Variants in GPR158 observed in about 807,000 individuals in gnomAD.
GPR158 encodes the protein metabotropic glycine receptor.
GPR158 carries 30 observed loss-of-function variants against 78.2 expected under a neutral mutation model. That is an observed-to-expected ratio of 0.38 (90% CI 0.29 to 0.52). The LOEUF is 0.52. Among genes scored for constraint, GPR158 ranks in the 20% least tolerant of loss-of-function variants. The probability of loss-of-function intolerance (pLI) is 0.83; values close to 1 mark genes in which losing one functional copy is unlikely to be tolerated. For missense variants in GPR158, 1,463 were observed against 1,523.5 expected (o/e 0.96, Z 0.66); for synonymous variants, 581 against 591.1 (o/e 0.98, Z 0.25).
chr10:25,229,198 A>G lies in GPR158; in HGVS notation c.1008+8041A>G, dbSNP rs140771285. 2.3e-3 allele frequency among the ~76,000 whole-genome samples: 346 copies of G among 152,242 alleles called. 4 individuals are homozygous for G. Among genetic ancestry groups the G allele is most frequent in the Middle Eastern group, 0.014 (4 of 294 alleles). On this transcript the variant is annotated intron_variant, in intron 2 of 10. Coordinates refer to ENST00000376351, the MANE Select transcript of GPR158 (RefSeq NM_020752.3). ...GAACTTGTATGGAGCTGGGAAGAAG[A>G]CGATGGAGAAAGACAATTTGAAGAA...
chr10:25,455,063 G>A (rs893320531), intron 4 of GPR158, among the ~76,000 whole-genome samples: 17 of 152,146 alleles, frequency 1.1e-4, no homozygotes, highest in Admixed American at 7.2e-4. Flanking sequence ...GTATTTTTCA[G>A]ATATAGTTTG....
intron 6 of GPR158, among the ~76,000 whole-genome samples, chr10:25,563,852 T>A (rs926080405): frequency 2.6e-5 from 4 of 152,188 alleles, no homozygotes; most frequent in African/African-American, 7.2e-5. Flanking sequence ...ATAAACTTTA[T>A]CTAATAAGGT....
intron 2 of GPR158, among the ~76,000 whole-genome samples, chr10:25,249,397 A>G (rs1440824648): frequency 6.6e-6 from 1 of 152,210 alleles, no homozygotes; most frequent in African/African-American, 2.4e-5. Context: ...GCCAGTTTTC[A>G]AAGGGAATGC....
intron 2 of GPR158, among the ~76,000 whole-genome samples, chr10:25,385,433 A>G (rs1834209279): frequency 6.6e-6 from 1 of 152,146 alleles, no homozygotes; most frequent in Non-Finnish European, 1.5e-5. Flanking sequence ...GAATATGGGT[A>G]TGCAAATAGC....
chr10:25,598,837 G>A lies in GPR158; in HGVS notation c.3211G>A (p.Val1071Ile), dbSNP rs1223070309. The A allele has an allele frequency of 6.2e-7, 1 of 1,614,128 alleles. No homozygotes were observed. Among genetic ancestry groups the A allele is most frequent in the South Asian group, 1.1e-5 (1 of 91,082 alleles). The change falls in exon 11 of 11, where the codon GTA (valine) becomes ATA (isoleucine). Residue 1071 changes from valine (V) to isoleucine (I), a missense_variant. By Grantham distance (29) the Val-to-Ile change is conservative. Transcript: ENST00000376351. The part of the protein sequence containing the change: ...SNQKRIDKAE[V>I]CLWESQGQSI... ...TCAGAAGCGCATAGATAAGGCTGAA[G>A]TATGCCTTTGGGAGAGCCAAGGCCA...
chr10:25,580,745 A>T (rs895501260), intron 7 of GPR158, among the ~76,000 whole-genome samples: 5 of 152,094 alleles, frequency 3.3e-5, no homozygotes, highest in Non-Finnish European at 7.4e-5. Context: ...AAAAAATTTG[A>T]GTCATGGTCT....
intron 4 of GPR158, among the ~76,000 whole-genome samples, chr10:25,420,406 G>C (rs1192343131): frequency 6.6e-6 from 1 of 152,100 alleles, no homozygotes; most frequent in Non-Finnish European, 1.5e-5. Flanking sequence ...TCCTGCCCCA[G>C]CCTCCCAAAA....
intron 4 of GPR158, among the ~76,000 whole-genome samples, chr10:25,431,173 A>C (rs1296698304): frequency 3.0e-4 from 19 of 62,496 alleles, no homozygotes; most frequent in East Asian, 4.7e-4. Flanking sequence ...CAAGAAAAAA[A>C]CAACCCCATC....
At chr10:25,575,835 A>C (rs1243164077) in intron 7 of GPR158, among the ~76,000 whole-genome samples, 1 of 152,082 alleles carries the variant, frequency 6.6e-6, no homozygotes, top group African/African-American at 2.4e-5. Context: ...AAATGTCTTC[A>C]AATTCCTGCC....
rs145500194 is a variant in GPR158, at chr10:25,395,983, C to T, written c.1081C>T (p.Pro361Ser). The change falls in exon 3 of 11, where the codon CCT (proline) becomes TCT (serine). Residue 361 changes from proline (P) to serine (S), a missense_variant. By Grantham distance (74) the Pro-to-Ser change is moderately conservative (BLOSUM62 -1). Coordinates refer to ENST00000376351, the MANE Select transcript of GPR158 (RefSeq NM_020752.3). ...CATTTGCAAAGCAGGATTCTATCAT[C>T]CTGGAGTCTTACCAGTGAACAACTT... ...ECICKAGFYH[P>S]GVLPVNNFRR... 1.9e-6 allele frequency: 3 copies of T among 1,604,368 alleles called. No individual in the cohort carries two copies. Among genetic ancestry groups the T allele is most frequent in the Non-Finnish European group, 2.6e-6 (3 of 1,171,276 alleles).
At chr10:25,182,288 G>A (rs1219051468) in intron 1 of GPR158, among the ~76,000 whole-genome samples, 1 of 152,172 alleles carries the variant, frequency 6.6e-6, no homozygotes, top group Non-Finnish European at 1.5e-5. Context: ...GAGTCAACAT[G>A]AAGTTTCGTC....
intron 2 of GPR158, among the ~76,000 whole-genome samples, chr10:25,323,563 A>G (rs1588799192): frequency 6.7e-6 from 1 of 148,852 alleles, no homozygotes; most frequent in South Asian, 2.1e-4. Context: ...GTCTTGCTCT[A>G]TTACCCAGGC....
At chr10:25,192,530 A>G (rs1852785899) in intron 1 of GPR158, among the ~76,000 whole-genome samples, 2 of 152,184 alleles carry the variant, frequency 1.3e-5, no homozygotes, top group South Asian at 2.1e-4. Context: ...ACTGTGTGAC[A>G]CTAGAAAGTT....
At chr10:25,286,226 A>G (rs1477634403) in intron 2 of GPR158, among the ~76,000 whole-genome samples, 1 of 151,666 alleles carries the variant, frequency 6.6e-6, no homozygotes, top group East Asian at 1.9e-4. Flanking sequence ...GTTCCCTCAT[A>G]TATCTTGGTA....
chr10:25,370,925 G>T (rs1458018747), intron 2 of GPR158, among the ~76,000 whole-genome samples: 9 of 151,064 alleles, frequency 6.0e-5, no homozygotes, highest in Non-Finnish European at 1.0e-4. Flanking sequence ...TTAAGTAATG[G>T]TCTTCTTTGT....
Position 25,597,889 on chromosome 10 carries a change from A to T in GPR158, c.2263A>T (p.Met755Leu). 6.2e-7 allele frequency: 1 copy of T among 1,605,776 alleles called. No individual in the cohort carries two copies. The highest frequency in any genetic ancestry group is 2.2e-5 in the East Asian group (1 of 44,788). Residue 755 changes from methionine to leucine, a missense_variant, in exon 11 of 11, where the codon ATG (methionine) becomes TTG (leucine). Transcript: ENST00000376351. ...GAAGAAGGGCCTAGGTCGTTCCATC[A>T]TGAGACGCATTACGGAGATCCCAGA... ...CSKKGLGRSIMRRITEIPETV... is the reference protein window; with the variant it reads ...CSKKGLGRSILRRITEIPETV...
chr10:25,249,796 G>A (rs1205118656), intron 2 of GPR158, among the ~76,000 whole-genome samples: 1 of 151,688 alleles, frequency 6.6e-6, no homozygotes, highest in Non-Finnish European at 1.5e-5. Flanking sequence ...GTCTCTGCCC[G>A]GCTTTGGTAT....
intron 6 of GPR158, among the ~76,000 whole-genome samples, chr10:25,563,350 T>G (rs1024177107): frequency 6.6e-6 from 1 of 152,126 alleles, no homozygotes; most frequent in Non-Finnish European, 1.5e-5. Context: ...AGATCTACGG[T>G]AACTCTCTTA....
At chr10:25,192,787 A>T (rs12411993) in intron 1 of GPR158, among the ~76,000 whole-genome samples, 15,207 of 140,630 alleles carry the variant, frequency 0.11, 1,005 homozygotes, top group East Asian at 0.27. Context: ...GAAAAATGAT[A>T]AAAAAAAATA....
Sources: allele counts gnomAD v4.1 joint callset (sites outside exome capture counted in the v4.1 genomes callset), GRCh38; gene constraint gnomAD v4.1.1; transcripts MANE v1.5; gene names NCBI Gene and HGNC (gene_info 2026-07-23, HGNC 2026-07-21).